The following RBFOX2 variants were observed in gnomAD, a reference collection of about 807,000 sequenced individuals.
RBFOX2 encodes RNA binding protein fox-1 homolog 2.
A neutral mutation model predicts 49.1 loss-of-function variants in RBFOX2; 10 were observed. That is an observed-to-expected ratio of 0.20 (90% CI 0.13 to 0.35). The LOEUF is 0.35. Among genes scored for constraint, RBFOX2 ranks in the 10% least tolerant of loss-of-function variants. RBFOX2 has a pLI of 1.00. For missense variants in RBFOX2, 323 were observed against 486.9 expected, an observed-to-expected ratio of 0.66 and a Z score of 3.17; for synonymous variants, 183 against 187.4, an observed-to-expected ratio of 0.98 and a Z score of 0.19.
intron 8 of RBFOX2, among the ~76,000 whole-genome samples, chr22:35,760,733 TC>T (rs1938512331): frequency 6.6e-6 from 1 of 152,158 alleles, no homozygotes; most frequent in Non-Finnish European, 1.5e-5. Context: ...AGACATTGAT[TC>T]CATGTCCACT....
At chr22:35,824,309 C>G (rs1021878169) in intron 1 of RBFOX2, 5 of 152,132 alleles carry the variant, frequency 3.3e-5, no homozygotes, top group Admixed American at 2.6e-4. Flanking sequence ...AAGAAAACAT[C>G]AAGTATTTAC....
intron 8 of RBFOX2, 120 bp from the exon 10 acceptor site, chr22:35,760,140 G>T (rs1265767941): frequency 7.6e-7 from 1 of 1,317,722 alleles, no homozygotes. Context: ...ACACCTTTTT[G>T]GAAAAGGTGG....
intron 1 of RBFOX2, among the ~76,000 whole-genome samples, chr22:35,863,772 G>A (rs751390550): frequency 3.9e-5 from 6 of 152,272 alleles, no homozygotes; most frequent in Admixed American, 1.3e-4. Flanking sequence ...CCCTGCTCAC[G>A]ATGCAAGAAT....
chr22:35,747,981 T>C (rs1933406196), intron 9 of RBFOX2: 1 of 152,264 alleles, frequency 6.6e-6, no homozygotes, highest in Non-Finnish European at 1.5e-5. Flanking sequence ...CCATCTTGCA[T>C]GGCAAGTCCT....
At chr22:35,947,085 G>A (rs762590720) in intron 1 of RBFOX2, among the ~76,000 whole-genome samples, 4 of 152,112 alleles carry the variant, frequency 2.6e-5, no homozygotes. Flanking sequence ...CAACTACTTG[G>A]GAGGCTGAGG....
At chr22:35,872,568 T>C (rs2044494672) in intron 1 of RBFOX2, among the ~76,000 whole-genome samples, 1 of 152,176 alleles carries the variant, frequency 6.6e-6, no homozygotes, top group African/African-American at 2.4e-5. Context: ...GGAGATGGTT[T>C]AGCCCTAGAG....
Position 35,850,193 on chromosome 22 carries a change from TACACACACACAC to T in RBFOX2, c.-33-40201_-33-40190del, listed in dbSNP as rs58692076. Among the ~76,000 whole-genome samples, 472 of 132,600 alleles carry T rather than the reference TACACACACACAC, an allele frequency of 3.6e-3. 2 individuals are homozygous for T. The highest frequency in any genetic ancestry group is 0.013 in the African/African-American group (436 of 34,826). The allele number at this position is 132,600 out of a possible 152,430, so 87.0% of individuals were successfully genotyped here. A position where few individuals can be genotyped will look rare whatever the true frequency, so the allele number is the denominator to read the frequency against. On this transcript the variant is annotated intron_variant, in intron 1 of 13. Coordinates refer to the RBFOX2 transcript ENST00000359369. ...ATGCGCATTCTCTGTCTCTCTCTCA[TACACACACACAC>T]ACACACACACACACACACACACACA...
intron 1 of RBFOX2, among the ~76,000 whole-genome samples, chr22:35,850,494 G>A (rs916800260): frequency 6.6e-6 from 1 of 152,138 alleles, no homozygotes; most frequent in Admixed American, 6.5e-5. Context: ...GAGGCCTCCA[G>A]ATATGCAGGG....
chr22:35,930,313 G>A (rs1461049387), intron 1 of RBFOX2, among the ~76,000 whole-genome samples: 3 of 151,938 alleles, frequency 2.0e-5, no homozygotes, highest in East Asian at 3.9e-4. Context: ...GAGCCACTGC[G>A]CTGGCCATAG....
intron 1 of RBFOX2, among the ~76,000 whole-genome samples, chr22:35,876,022 G>A (rs1226102788): frequency 6.6e-6 from 1 of 152,026 alleles, no homozygotes; most frequent in Non-Finnish European, 1.5e-5. Flanking sequence ...GAGAGTTACT[G>A]AAAAAATGCA....
intron 1 of RBFOX2, among the ~76,000 whole-genome samples, chr22:35,931,420 TG>T (rs1203231646): frequency 2.0e-5 from 3 of 151,902 alleles, no homozygotes; most frequent in African/African-American, 7.3e-5. Context: ...AGTCTCCAGC[TG>T]GGGGGCCTTA....
Position 36,007,592 on chromosome 22 carries a change from A to G in RBFOX2, c.186+20648T>C, listed in dbSNP as rs773629198. Among the ~76,000 whole-genome samples, 10 of 152,314 alleles carry G rather than the reference A, an allele frequency of 6.6e-5. No individual in the cohort carries two copies. In the Middle Eastern group the frequency reaches 0.01, roughly 155 times the overall value. On this transcript the variant is annotated intron_variant, in intron 1 of 13. Transcript: ENST00000438146. ...ATTCAAAAGGAACAAAAGGTATACAATTAACAAATTTTGTTGGTATGATTT... is the reference window on the plus strand; with the variant it reads ...ATTCAAAAGGAACAAAAGGTATACAGTTAACAAATTTTGTTGGTATGATTT...
chr22:36,022,992 C>T (rs2059301271), intron 1 of RBFOX2, among the ~76,000 whole-genome samples: 1 of 151,962 alleles, frequency 6.6e-6, no homozygotes, highest in African/African-American at 2.4e-5. Flanking sequence ...CTGTGGCAGC[C>T]CAAGGACACT....
intron 1 of RBFOX2, among the ~76,000 whole-genome samples, chr22:35,893,481 G>A (rs560522437): frequency 3.5e-4 from 54 of 152,226 alleles, no homozygotes; most frequent in African/African-American, 1.0e-3. Flanking sequence ...TCAAAAGACA[G>A]AACAGCCCAT....
chr22:35,942,698 G>A (rs1404840060), upstream of RBFOX2, among the ~76,000 whole-genome samples: 1 of 150,744 alleles, frequency 6.6e-6, no homozygotes, highest in Non-Finnish European at 1.5e-5. Context: ...AGATAGCCTG[G>A]GCAGCACAGC....
intron 1 of RBFOX2, among the ~76,000 whole-genome samples, chr22:35,847,779 A>T (rs1273374187): frequency 2.0e-5 from 3 of 152,120 alleles, no homozygotes; most frequent in Non-Finnish European, 4.4e-5. Context: ...CTACAAATGG[A>T]GTAAAGCCAG....
intron 1 of RBFOX2, chr22:35,897,946 G>A: frequency 2.6e-6 from 2 of 768,216 alleles, no homozygotes; most frequent in South Asian, 2.9e-5. Context: ...GGACACCTGA[G>A]CAATTGCTTG....
chr22:35,794,541 C>T (rs1948399221), intron 2 of RBFOX2, among the ~76,000 whole-genome samples: 1 of 151,834 alleles, frequency 6.6e-6, no homozygotes, highest in African/African-American at 2.4e-5. Flanking sequence ...ACCTGTGGTC[C>T]CAGCTACTCA....
intron 1 of RBFOX2, among the ~76,000 whole-genome samples, chr22:35,849,780 C>T (rs1037062179): frequency 6.6e-6 from 1 of 152,104 alleles, no homozygotes; most frequent in African/African-American, 2.4e-5. Flanking sequence ...CTGATGAAGT[C>T]GGAGCTTGGT....
Sources: gnomAD v4.1 joint callset for allele counts (sites outside exome capture counted in the v4.1 genomes callset) on GRCh38, gnomAD v4.1.1 for gene constraint, MANE v1.5 for transcripts, NCBI Gene and HGNC (gene_info 2026-07-23, HGNC 2026-07-21) for gene names.